Variants in GPC5 observed in about 807,000 individuals in gnomAD.
GPC5 encodes glypican 5.
Under a neutral mutation model 53.9 loss-of-function variants are expected in GPC5, and 47 were observed. The observed-to-expected ratio is 0.87, with a 90% confidence interval of 0.69 to 1.11. The LOEUF is 1.11. GPC5 is among the 50% of genes most tolerant of loss of function. The pLI is 0.00. For synonymous variants in GPC5, 286 were observed against 263.3 expected (o/e 1.09, Z -0.84); for missense variants, 748 against 713.1 (o/e 1.05, Z -0.56).
At chr13:91,837,239 T>G (rs1010121650) in intron 5 of GPC5, among the ~76,000 whole-genome samples, 24 of 151,968 alleles carry the variant, frequency 1.6e-4, no homozygotes, top group Admixed American at 1.2e-3. Context: ...TATTAAAAAT[T>G]TTTGAGATCT....
At chr13:92,217,911 C>CTTTTTTTTTTTTTTTTT in intron 7 of GPC5, among the ~76,000 whole-genome samples, 1 of 85,214 alleles carries the variant, frequency 1.2e-5, no homozygotes. Flanking sequence ...ATTATTTCTA[C>CTTTTTTTTTTTTTTTTT]TTTTTTTTTT....
At chr13:91,701,095 A>G (rs1299439293) in intron 3 of GPC5, among the ~76,000 whole-genome samples, 1 of 152,060 alleles carries the variant, frequency 6.6e-6, no homozygotes, top group African/African-American at 2.4e-5. Flanking sequence ...CTACCTTTTA[A>G]TTGTCAAAAA....
At chr13:92,856,713 A>G (rs892116371) in intron 7 of GPC5, among the ~76,000 whole-genome samples, 33 of 152,084 alleles carry the variant, frequency 2.2e-4, no homozygotes, top group African/African-American at 7.7e-4. Flanking sequence ...AGCCAAATCA[A>G]TAGCATAATC....
chr13:92,669,027 A>C (rs1886662061), intron 7 of GPC5, among the ~76,000 whole-genome samples: 2 of 152,130 alleles, frequency 1.3e-5, no homozygotes, highest in African/African-American at 4.8e-5. Context: ...TTTTAATAAA[A>C]TTGTCCCCAG....
intron 2 of GPC5, among the ~76,000 whole-genome samples, chr13:91,498,675 G>A (rs494371): frequency 0.5 from 75,989 of 151,952 alleles, 21,895 homozygotes; most frequent in Non-Finnish European, 0.64. Flanking sequence ...GAGTGAAATG[G>A]TGGTCAGGGT....
intron 6 of GPC5, 86 bp downstream of exon 6, chr13:91,908,143 C>A (rs1470995671): frequency 1.3e-5 from 14 of 1,078,494 alleles, no homozygotes; most frequent in Non-Finnish European, 1.7e-5. Context: ...ATTTGTTAAT[C>A]CTGTCAGATA....
chr13:92,018,029 C>A (rs1337748651), intron 6 of GPC5, among the ~76,000 whole-genome samples: 2 of 152,020 alleles, frequency 1.3e-5, no homozygotes, highest in African/African-American at 4.8e-5. Context: ...CGAGTACACA[C>A]ACACACAAGC....
chr13:92,185,167 A>G (rs756118303), intron 7 of GPC5, among the ~76,000 whole-genome samples: 2 of 152,160 alleles, frequency 1.3e-5, no homozygotes, highest in Non-Finnish European at 2.9e-5. Flanking sequence ...TGCCAGGGTC[A>G]TTCAATATCC....
intron 4 of GPC5, among the ~76,000 whole-genome samples, chr13:91,739,485 T>C (rs2036883497): frequency 6.6e-6 from 1 of 151,582 alleles, no homozygotes; most frequent in Middle Eastern, 3.4e-3. Flanking sequence ...AGCTAATTAG[T>C]TGCGGGGTTC....
chr13:91,968,757 C>T (rs141764438), intron 6 of GPC5, among the ~76,000 whole-genome samples: 248 of 151,964 alleles, frequency 1.6e-3, no homozygotes, highest in African/African-American at 3.1e-3. Context: ...CCACTGCGCC[C>T]GGGCAATAAT....
At chr13:91,706,370 G>A (rs1439205084) in intron 3 of GPC5, among the ~76,000 whole-genome samples, 1 of 152,020 alleles carries the variant, frequency 6.6e-6, no homozygotes, top group African/African-American at 2.4e-5. Flanking sequence ...TCTGAAAAGT[G>A]TCAATCATCT....
At chr13:91,899,008 G>A (rs1357681168) in intron 5 of GPC5, among the ~76,000 whole-genome samples, 3 of 152,086 alleles carry the variant, frequency 2.0e-5, no homozygotes, top group Non-Finnish European at 4.4e-5. Context: ...TTTGAATATT[G>A]TCACAACCTT....
At chr13:92,544,121 T>A (rs1423257121) in intron 7 of GPC5, among the ~76,000 whole-genome samples, 1 of 152,010 alleles carries the variant, frequency 6.6e-6, no homozygotes, top group East Asian at 1.9e-4. Context: ...CCAAACCTGG[T>A]TTGAGAGGGA....
intron 7 of GPC5, among the ~76,000 whole-genome samples, chr13:92,445,904 A>T (rs1201816848): frequency 6.6e-6 from 1 of 152,094 alleles, no homozygotes; most frequent in African/African-American, 2.4e-5. Flanking sequence ...AGCTGGGATT[A>T]TAGGCATGAG....
intron 7 of GPC5, among the ~76,000 whole-genome samples, chr13:92,478,357 A>C (rs1594236171): frequency 6.6e-6 from 1 of 152,316 alleles, no homozygotes; most frequent in East Asian, 1.9e-4. Flanking sequence ...TGTTAAAGTC[A>C]AGTATTTTTA....
intron 7 of GPC5, among the ~76,000 whole-genome samples, chr13:92,522,542 C>G (rs1403364564): frequency 6.6e-6 from 1 of 152,106 alleles, no homozygotes; most frequent in Admixed American, 6.6e-5. Context: ...ACTGCAGGTT[C>G]TCACTCATAG....
At position 92,580,222 on chromosome 13, in the gene GPC5, C is replaced by T. The variant is rs186704970; in HGVS notation, c.1562-286060C>T. ...TAAAGATATCTCAAGAATCGAATGA[C>T]CCATGTTGAGCAAAATTTCAGGCTA... On this transcript the variant is annotated intron_variant, in intron 7 of 7. Coordinates refer to ENST00000377067, the MANE Select transcript of GPC5 (RefSeq NM_004466.6). Among the ~76,000 whole-genome samples, 223 of 152,174 alleles carry T rather than the reference C, an allele frequency of 1.5e-3. 1 individual carries two copies. Among genetic ancestry groups the T allele is most frequent in the Non-Finnish European group, 2.8e-3 (193 of 68,016 alleles).
chr13:91,740,674 A>C lies in GPC5; in HGVS notation c.1154+12009A>C, dbSNP rs543655727. Among the ~76,000 whole-genome samples, 13 of 152,308 alleles carry C rather than the reference A, an allele frequency of 8.5e-5. No individual in the cohort carries two copies. The East Asian group carries it at 2.5e-3, about 29-fold the overall frequency. ...AAGTTGAGCAAAGTAAGGAAGAGCT[A>C]CTGCTCCTTTAAACAGCCAGCAAAG... On this transcript the variant is annotated intron_variant, in intron 4 of 7. Transcript: ENST00000377067.
intron 7 of GPC5, among the ~76,000 whole-genome samples, chr13:92,777,363 A>G (rs1290556007): frequency 2.1e-5 from 3 of 139,760 alleles, no homozygotes; most frequent in Non-Finnish European, 3.1e-5. Context: ...AGCCAGGCTC[A>G]GTGGCTCATG....
Sources: allele counts gnomAD v4.1 joint callset (sites outside exome capture counted in the v4.1 genomes callset), GRCh38; gene constraint gnomAD v4.1.1; transcripts MANE v1.5; gene names NCBI Gene and HGNC (gene_info 2026-07-23, HGNC 2026-07-21).